CFAP206: variants seen among roughly 807,000 people sequenced by gnomAD.
CFAP206 encodes cilia and flagella associated protein 206, also known as cilia- and flagella-associated protein 206.
CFAP206 carries 53 observed loss-of-function variants against 65.4 expected under a neutral mutation model. That is an observed-to-expected ratio of 0.81 (90% CI 0.65 to 1.02). CFAP206 has a LOEUF of 1.02. Among genes scored for constraint, CFAP206 ranks in the 50% least tolerant of loss-of-function variants. The pLI is 0.00. For missense variants in CFAP206, 663 were observed against 753.2 expected (o/e 0.88, Z 1.40); for synonymous variants, 250 against 254.4 (o/e 0.98, Z 0.17).
In CFAP206 at chr6:87,418,324, G is replaced by A. The variant is rs267601154; in HGVS notation, c.748G>A (p.Asp250Asn). ...AGCCATCCTTGAGAAGGCAGCCAAC[G>A]ACCCACTCATGAGGGCTGAACTTCA... ...YTAILEKAAN[D>N]PLMRAELQPY... The change falls in exon 7 of 13, where the codon GAC becomes AAC. Residue 250 changes from aspartate (D) to asparagine (N), a missense_variant. Coordinates refer to ENST00000369562, the MANE Select transcript of CFAP206 (RefSeq NM_001031743.3). 5 of 1,614,084 alleles carry A rather than the reference G, an allele frequency of 3.1e-6. No individual in the cohort carries two copies. The highest frequency in any genetic ancestry group is 3.4e-6 in the Non-Finnish European group (4 of 1,180,024).
chr6:87,412,193 A>G (rs532940320), intron 3 of CFAP206, among the ~76,000 whole-genome samples: 1 of 152,234 alleles, frequency 6.6e-6, no homozygotes, highest in African/African-American at 2.4e-5. Flanking sequence ...TTTTTTTCTC[A>G]ACTAAAAATC....
chr6:87,444,688 C>A (rs1169978809), intron 11 of CFAP206: 2 of 348,322 alleles, frequency 5.7e-6, no homozygotes, highest in South Asian at 2.4e-5. Context: ...CTCTCATGCT[C>A]TTTTCTGAGC....
intron 11 of CFAP206, among the ~76,000 whole-genome samples, chr6:87,438,699 CAG>C (rs1768315201): frequency 6.6e-6 from 1 of 152,092 alleles, no homozygotes; most frequent in Admixed American, 6.6e-5. Context: ...CTCTATTTGT[CAG>C]AGTTTTTAAC....
intron 2 of CFAP206, 72 bp downstream of exon 2, chr6:87,410,019 T>G (rs1767705919): frequency 1.0e-6 from 1 of 981,316 alleles, no homozygotes; most frequent in Non-Finnish European, 1.6e-6. Flanking sequence ...ATTTTCCCCT[T>G]TAAATTCTGT....
At chr6:87,445,132 C>T (rs541776193) in intron 11 of CFAP206, 4 of 400,046 alleles carry the variant, frequency 1.0e-5, no homozygotes, top group South Asian at 3.8e-5. Context: ...TTATCATTTG[C>T]GTAATCCATC....
chr6:87,418,121 G>A, intron 6 of CFAP206, 87 bp from the exon 7 acceptor site: 1 of 1,202,958 alleles, frequency 8.3e-7, no homozygotes, highest in Non-Finnish European at 1.2e-6. Context: ...CTAACTTAAT[G>A]TTTAAAATGT....
chr6:87,414,422 C>T (rs1767789754), intron 4 of CFAP206, among the ~76,000 whole-genome samples: 1 of 152,146 alleles, frequency 6.6e-6, no homozygotes, highest in Admixed American at 6.5e-5. Flanking sequence ...CTCAGCCACC[C>T]GAGTAGCTGG....
intron 7 of CFAP206, among the ~76,000 whole-genome samples, chr6:87,422,144 A>G: frequency 6.6e-6 from 1 of 152,088 alleles, no homozygotes; most frequent in South Asian, 2.1e-4. Flanking sequence ...GAGGACTAAT[A>G]TTATAATTAA....
intron 11 of CFAP206, among the ~76,000 whole-genome samples, chr6:87,451,267 T>C (rs1193637470): frequency 6.6e-6 from 1 of 152,134 alleles, no homozygotes; most frequent in Non-Finnish European, 1.5e-5. Context: ...GCAGTGCAGC[T>C]TGGAGTTCTG....
rs776485808 is a variant in CFAP206 at position 87,418,343 on chromosome 6, A to C, written c.767A>C (p.Glu256Ala). 1 of 1,614,192 alleles carries C rather than the reference A, an allele frequency of 6.2e-7. No individual in the cohort carries two copies. Among genetic ancestry groups the C allele is most frequent in the Non-Finnish European group, 8.5e-7 (1 of 1,180,030 alleles). ...GCCAACGACCCACTCATGAGGGCTGAACTTCAGCCATATATGTTAAAAGAA... is the reference window on the plus strand; with the variant it reads ...GCCAACGACCCACTCATGAGGGCTGCACTTCAGCCATATATGTTAAAAGAA... Reference protein sequence around the residue: ...KAANDPLMRAELQPYMLKEAL... With the variant: ...KAANDPLMRAALQPYMLKEAL... The change falls in exon 7 of 13, where the codon GAA becomes GCA. Residue 256 changes from glutamate to alanine, a missense_variant. Transcript: ENST00000369562.
intron 7 of CFAP206, among the ~76,000 whole-genome samples, chr6:87,421,089 C>G (rs190533155): frequency 3.9e-4 from 59 of 152,280 alleles, no homozygotes; most frequent in Non-Finnish European, 2.8e-4. Flanking sequence ...TATGAATATT[C>G]GTTTTAAAGT....
intron 1 of CFAP206, among the ~76,000 whole-genome samples, chr6:87,409,506 C>T (rs997711429): frequency 4.7e-5 from 7 of 148,556 alleles, no homozygotes; most frequent in African/African-American, 1.2e-4. Context: ...AGCCATCGCG[C>T]CCAGCCTGCT....
At chr6:87,455,650 C>A (rs1297251895) in intron 11 of CFAP206, among the ~76,000 whole-genome samples, 2 of 151,152 alleles carry the variant, frequency 1.3e-5, no homozygotes, top group East Asian at 1.9e-4. Flanking sequence ...GAGAGAAGAC[C>A]CAAAGAAAAT....
Position 87,460,771 on chromosome 6 carries a change from G to T in CFAP206, c.1495-251G>T, listed in dbSNP as rs77221139. ...AACAAACCTGCACATGTGCCCCCTT[G>T]AATCTAAAATAAAAGTTAAAAAAAA... On this transcript the variant is annotated intron_variant, in intron 11 of 12. Coordinates refer to ENST00000369562, the MANE Select transcript of CFAP206 (RefSeq NM_001031743.3). 7.6e-3 allele frequency among the ~76,000 whole-genome samples: 1,153 copies of T among 151,690 alleles called. 11 individuals carry two copies. Among genetic ancestry groups the T allele is most frequent in the African/African-American group, 0.026 (1,086 of 41,364 alleles).
chr6:87,447,035 C>T (rs1281745175), intron 11 of CFAP206, among the ~76,000 whole-genome samples: 2 of 152,116 alleles, frequency 1.3e-5, no homozygotes, highest in African/African-American at 2.4e-5. Context: ...GATTTTTGCA[C>T]ATTGATTTTG....
In CFAP206 at chr6:87,460,385, T is replaced by A. The variant is rs188049740; in HGVS notation, c.1495-637T>A. Among the ~76,000 whole-genome samples, 523 of 152,356 alleles carry A rather than the reference T, an allele frequency of 3.4e-3. 3 individuals carry two copies. Among genetic ancestry groups the A allele is most frequent in the Non-Finnish European group, 5.5e-3 (372 of 68,032 alleles). ...AAGAGGTTTTGATAGTTCAAATAGA[T>A]GTGATTTTTACCTAATAAAGCTATT... On this transcript the variant is annotated intron_variant, in intron 11 of 12. Coordinates refer to ENST00000369562, the MANE Select transcript of CFAP206 (RefSeq NM_001031743.3).
At chr6:87,416,462 A>G (rs1275205735) in intron 5 of CFAP206, among the ~76,000 whole-genome samples, 1 of 152,188 alleles carries the variant, frequency 6.6e-6, no homozygotes, top group Non-Finnish European at 1.5e-5. Context: ...TTAAAAATGG[A>G]CATGAGGCAA....
chr6:87,425,928 A>C (rs544661693), intron 7 of CFAP206: 1 of 161,022 alleles, frequency 6.2e-6, no homozygotes, highest in East Asian at 1.6e-4. Flanking sequence ...GTAAACTTGT[A>C]CTCAACCTCA....
chr6:87,442,540 C>T (rs988189810), intron 11 of CFAP206, among the ~76,000 whole-genome samples: 8 of 152,058 alleles, frequency 5.3e-5, no homozygotes, highest in Non-Finnish European at 7.4e-5. Context: ...ATAGAGGTAG[C>T]GAAATTGGGC....
Sources: gnomAD v4.1 joint callset for allele counts (sites outside exome capture counted in the v4.1 genomes callset) on GRCh38, gnomAD v4.1.1 for gene constraint, MANE v1.5 for transcripts, NCBI Gene and HGNC (gene_info 2026-07-23, HGNC 2026-07-21) for gene names.